The following NHSL1 variants were observed in gnomAD, a reference collection of about 807,000 sequenced individuals.
The protein encoded by NHSL1 is NHS-like protein 1.
In NHSL1, 48 loss-of-function variants were observed where a neutral mutation model predicts 95.0. The observed-to-expected ratio is 0.51, with a 90% confidence interval of 0.40 to 0.64. The LOEUF is 0.64. Among genes scored for constraint, NHSL1 ranks in the 30% least tolerant of loss-of-function variants. The probability of loss-of-function intolerance (pLI) is 0.00; values close to 1 mark genes in which losing one functional copy is unlikely to be tolerated. For missense variants in NHSL1, 1,971 were observed against 2,077.7 expected (o/e 0.95, Z 1.00); for synonymous variants, 783 against 833.9 (o/e 0.94, Z 1.05).
intron 1 of NHSL1, among the ~76,000 whole-genome samples, chr6:138,562,000 T>C (rs1028165826): frequency 1.1e-4 from 16 of 152,232 alleles, no homozygotes; most frequent in Admixed American, 7.9e-4. Flanking sequence ...TGATAGAGAA[T>C]GCTCAGAGAT....
chr6:138,682,659 C>G (rs1447425585), intron 1 of NHSL1, among the ~76,000 whole-genome samples: 1 of 88,412 alleles, frequency 1.1e-5, no homozygotes, highest in Non-Finnish European at 2.1e-5. Flanking sequence ...GGATGAATGT[C>G]CTGCCGCCCT....
rs527869295 is a variant in NHSL1 at position 138,467,919 on chromosome 6, T to A, written c.339+5387A>T. ...ATTTACTATTGAAGAAAGAAACATA[T>A]TTCTTTTTTGTAGAGATGGGTTCTC... On this transcript the variant is annotated intron_variant, in intron 3 of 7. Transcript: ENST00000343505. Among the ~76,000 whole-genome samples the A allele has an allele frequency of 2.0e-4, 30 of 151,976 alleles. No individual in the cohort carries two copies. In the East Asian group the frequency reaches 5.4e-3, roughly 27 times the overall value.
At chr6:138,613,765 G>T (rs1172440510) in intron 1 of NHSL1, among the ~76,000 whole-genome samples, 6 of 152,192 alleles carry the variant, frequency 3.9e-5, no homozygotes, top group Non-Finnish European at 8.8e-5. Context: ...TCCCTGGGCA[G>T]TAATAGGAGA....
chr6:138,577,565 C>G (rs4587187), intron 1 of NHSL1, among the ~76,000 whole-genome samples: 34,156 of 152,092 alleles, frequency 0.22, 7,181 homozygotes, highest in African/African-American at 0.56. Flanking sequence ...ACATAGAGCA[C>G]AGAAGAGGAC....
intron 1 of NHSL1, among the ~76,000 whole-genome samples, chr6:138,512,971 T>C (rs1333565162): frequency 1.3e-5 from 2 of 152,238 alleles, no homozygotes; most frequent in Non-Finnish European, 1.5e-5. Flanking sequence ...CCTCAATCTG[T>C]TCGTGCTCTG....
chr6:138,478,208 T>G (rs1237974508), intron 2 of NHSL1, among the ~76,000 whole-genome samples: 1 of 151,916 alleles, frequency 6.6e-6, no homozygotes, highest in Non-Finnish European at 1.5e-5. Context: ...CTCAAAGTCC[T>G]GACCTCAGGT....
upstream of NHSL1, among the ~76,000 whole-genome samples, chr6:138,500,217 C>T (rs1007862237): frequency 2.0e-5 from 3 of 152,102 alleles, no homozygotes; most frequent in African/African-American, 4.8e-5. Flanking sequence ...ATTCCATAAT[C>T]GCCCTTCCCT....
chr6:138,498,126 GT>G (rs905392115), intron 1 of NHSL1, among the ~76,000 whole-genome samples: 7 of 152,254 alleles, frequency 4.6e-5, no homozygotes, highest in African/African-American at 1.7e-4. Flanking sequence ...CTCACCATAT[GT>G]CCCCCCAAAG....
intron 1 of NHSL1, among the ~76,000 whole-genome samples, chr6:138,537,858 C>T (rs1782421391): frequency 6.6e-6 from 1 of 151,994 alleles, no homozygotes; most frequent in Non-Finnish European, 1.5e-5. Context: ...TTACAGTGGG[C>T]AGGAAAACAA....
chr6:138,499,197 A>G (rs373585782), intron 1 of NHSL1, 36 bp downstream of exon 1: 5 of 1,368,930 alleles, frequency 3.7e-6, no homozygotes, highest in Middle Eastern at 1.8e-4. Flanking sequence ...AAACATATGC[A>G]CACAATAGGT....
chr6:138,496,228 C>A lies in NHSL1; in HGVS notation c.202G>T (p.Val68Leu). The change falls in exon 2 of 8, where the codon GTA (valine) becomes TTA (leucine). Residue 68 changes from valine to leucine, a missense_variant. Physicochemically the swap from Val to Leu is conservative, Grantham distance 32 (BLOSUM62 1). This residue lies in a region of NHSL1 where 1,602 missense variants were observed against 1,654.5 expected (regional missense o/e 0.97). Coordinates refer to ENST00000343505, the MANE Select transcript of NHSL1 (RefSeq NM_001144060.2). The stretch of plus-strand genomic sequence containing the variant: ...GAGGATGCCATCTTACCCCTCAGTA[C>A]TGATTTGAGGTTGAGCTTGGCTTGG... ...HRQAKLNLKS[V>L]LRECDKLRHD... is the part of the protein sequence containing the mutation. 1 of 1,551,050 alleles carries A rather than the reference C, an allele frequency of 6.4e-7. No individual in the cohort carries two copies. Among genetic ancestry groups the A allele is most frequent in the South Asian group, 1.2e-5 (1 of 83,996 alleles).
At chr6:138,476,958 A>G (rs1779111011) in intron 2 of NHSL1, among the ~76,000 whole-genome samples, 1 of 63,996 alleles carries the variant, frequency 1.6e-5, no homozygotes. Flanking sequence ...CCCTGAATCT[A>G]AAAAAAAAAA....
intron 5 of NHSL1, among the ~76,000 whole-genome samples, chr6:138,434,973 AG>A (rs1176152049): frequency 6.6e-6 from 1 of 152,164 alleles, no homozygotes; most frequent in Non-Finnish European, 1.5e-5. Context: ...GATGATGGAG[AG>A]GAATTTTTAT....
At chr6:138,654,019 C>T (rs1195129897) in intron 1 of NHSL1, among the ~76,000 whole-genome samples, 1 of 152,152 alleles carries the variant, frequency 6.6e-6, no homozygotes, top group Non-Finnish European at 1.5e-5. Flanking sequence ...TTTACTCCTG[C>T]CAATGAGGAT....
At chr6:138,570,940 C>T (rs993864880) in intron 1 of NHSL1, among the ~76,000 whole-genome samples, 5 of 152,218 alleles carry the variant, frequency 3.3e-5, no homozygotes, top group African/African-American at 1.2e-4. Context: ...AATTCAGTCC[C>T]TACACACACT....
intron 1 of NHSL1, among the ~76,000 whole-genome samples, chr6:138,618,835 T>C (rs1308877592): frequency 6.6e-6 from 1 of 152,188 alleles, no homozygotes; most frequent in Non-Finnish European, 1.5e-5. Flanking sequence ...TTACTAAATC[T>C]AATTTGTCAC....
chr6:138,471,921 G>A (rs569555064), intron 3 of NHSL1, among the ~76,000 whole-genome samples: 30 of 152,212 alleles, frequency 2.0e-4, no homozygotes, highest in African/African-American at 6.3e-4. Context: ...ACTCATGCCT[G>A]TAATCCCAGC....
chr6:138,560,253 A>T (rs1161621388), intron 1 of NHSL1, among the ~76,000 whole-genome samples: 1 of 152,256 alleles, frequency 6.6e-6, no homozygotes, highest in Non-Finnish European at 1.5e-5. Flanking sequence ...TGAATAAACC[A>T]ACACATTCTC....
chr6:138,650,488 C>A, intron 1 of NHSL1: 1 of 799,140 alleles, frequency 1.3e-6, no homozygotes, highest in East Asian at 3.1e-5. Context: ...TGGAGGCTGT[C>A]ATCCACCAGG....
Sources: gnomAD v4.1 joint callset for allele counts (sites outside exome capture counted in the v4.1 genomes callset) on GRCh38, gnomAD v4.1.1 for gene constraint, gnomAD v4.1.1 regional missense constraint, MANE v1.5 for transcripts, NCBI Gene and HGNC (gene_info 2026-07-23, HGNC 2026-07-21) for gene names.